Variants in ZAN observed in about 807,000 individuals in gnomAD.
ZAN encodes the protein zonadhesin, also known as zonadhesin (gene/pseudogene).
ZAN carries 260 observed loss-of-function variants against 286.2 expected under a neutral mutation model. The ratio of observed to expected loss-of-function variants is 0.91; its 90% CI spans 0.82 to 1.01. ZAN has a LOEUF of 1.01. Ranked by LOEUF, ZAN falls within the 50% of genes least tolerant of loss-of-function variation. The pLI is 0.00. For synonymous variants in ZAN, 1,368 were observed against 1,417.5 expected (o/e 0.97, Z 0.79); for missense variants, 3,410 against 3,639.2 (o/e 0.94, Z 1.62).
Position 100,792,083 on chromosome 7 carries a change from G to A in ZAN, c.7647G>A (p.Val2549=). The part of the protein sequence containing the change: ...LASNSTQACR[V]LADPQGPFAA... ...GCAACAGCACCCAGGCCTGTAGGGT[G>A]CTGGCAGACCCCCAGGGCCCCTTTG... is the stretch of plus-strand genomic sequence containing the variant. The change falls in exon 41 of 48, where the codon GTG becomes GTA. Residue 2549 remains valine, a synonymous_variant. Coordinates refer to ENST00000613979, the MANE Select transcript of ZAN (RefSeq NM_003386.3). The A allele has an allele frequency of 6.2e-7, 1 of 1,613,074 alleles. No individual in the cohort carries two copies. The highest frequency in any genetic ancestry group is 1.1e-5 in the South Asian group (1 of 90,994).
rs767077115 is a variant in ZAN, at chr7:100,734,306, C to T, written c.53+85C>T. ...TATGGAAGGACAGAGCTGGAGGGGG[C>T]GAGCAGGCTAACTACAAAAGATCTG... On this transcript the variant is annotated intron_variant, in intron 2 of 47. Coordinates refer to ENST00000613979, the MANE Select transcript of ZAN (RefSeq NM_003386.3). The T allele has an allele frequency of 1.2e-5, 12 of 983,620 alleles. No individual in the cohort carries two copies. The Admixed American group carries it at 1.8e-4, about 15-fold the overall frequency. 60.9% of individuals were successfully genotyped at this position (983,620 alleles called of 1,614,324 possible).
In ZAN at chr7:100,738,727, CAA is replaced by C. The variant is rs1807482142; in HGVS notation, c.766+115_766+116del. Reference sequence around the variant, plus strand: ...TACAGCTTCAAGCCTCTTACCAGCTCAAGTTTCACGCAAGAAGCTGATTTCAA... The same window carrying C: ...TACAGCTTCAAGCCTCTTACCAGCTCGTTTCACGCAAGAAGCTGATTTCAA... On this transcript the variant is annotated intron_variant, in intron 7 of 47. Coordinates refer to ENST00000613979, the MANE Select transcript of ZAN (RefSeq NM_003386.3). 1.0e-5 allele frequency: 12 copies of C among 1,174,320 alleles called. 4 individuals are homozygous for C. Among genetic ancestry groups the C allele is most frequent in the Non-Finnish European group, 1.4e-5 (12 of 853,548 alleles). The allele number at this position is 1,174,320 out of a possible 1,614,324, so 72.7% of individuals were successfully genotyped here.
chr7:100,795,436 G>A (rs1292073983), intron 45 of ZAN, 100 bp downstream of exon 45: 3 of 1,182,334 alleles, frequency 2.5e-6, no homozygotes, highest in Non-Finnish European at 3.2e-6. Flanking sequence ...AGAATGATAT[G>A]TATTATAATA....
In ZAN at chr7:100,775,439, C is replaced by A. The variant is rs779916944; in HGVS notation, c.5891C>A (p.Ala1964Asp). The A allele has an allele frequency of 1.2e-5, 19 of 1,613,972 alleles. No homozygotes were observed. The highest frequency in any genetic ancestry group is 7.6e-6 in the Non-Finnish European group (9 of 1,179,890). The change falls in exon 32 of 48, where the codon GCC becomes GAC. Residue 1964 changes from alanine to aspartate, a missense_variant. Physicochemically the swap from Ala to Asp is moderately radical, Grantham distance 126. Transcript: ENST00000613979. ...TLVLVKVCHPAMALPFFKISA... is the reference protein window; with the variant it reads ...TLVLVKVCHPDMALPFFKISA... ...GTCCTGGTGAAAGTGTGCCACCCCGCCATGGCCTTGCCCTTCTTCAAGATC... is the reference window on the plus strand; with the variant it reads ...GTCCTGGTGAAAGTGTGCCACCCCGACATGGCCTTGCCCTTCTTCAAGATC...
intron 25 of ZAN, 95 bp downstream of exon 25, chr7:100,767,352 T>C (rs1377836760): frequency 1.3e-6 from 2 of 1,514,120 alleles, no homozygotes; most frequent in East Asian, 2.3e-5. Context: ...CCTCTCTGGC[T>C]CCTTAGAGCA....
intron 17 of ZAN, 134 bp from the exon 18 acceptor site, chr7:100,759,587 C>G (rs1355733367): frequency 5.1e-6 from 6 of 1,168,050 alleles, no homozygotes; most frequent in Middle Eastern, 2.6e-4. Context: ...GTGGATCCGG[C>G]CTCCCCTACT....
In ZAN at chr7:100,773,159, C is replaced by T. The variant is rs1302513336; in HGVS notation, c.5426-126C>T. The T allele has an allele frequency of 3.8e-6, 4 of 1,058,472 alleles. No homozygotes were observed. The East Asian group carries it at 1.0e-4, about 27-fold the overall frequency. The allele number at this position is 1,058,472 out of a possible 1,614,324, so 65.6% of individuals were successfully genotyped here. On this transcript the variant is annotated intron_variant, in intron 29 of 47. Transcript: ENST00000613979. ...CCTCAGGTGATCCACCTGCCTCGGC[C>T]TCCCAAAGTGCTGGGATTACATGTG...
At chr7:100,746,412 C>A in intron 7 of ZAN, 126 bp from the exon 8 acceptor site, 3 of 1,246,104 alleles carry the variant, frequency 2.4e-6, no homozygotes, top group South Asian at 1.5e-5. Context: ...CACCTCAGTG[C>A]TGCCTGATTC....
At chr7:100,786,246 G>A in intron 37 of ZAN, 105 bp downstream of exon 37, 2 of 1,504,138 alleles carry the variant, frequency 1.3e-6, no homozygotes, top group Non-Finnish European at 9.0e-7. Flanking sequence ...CCCCAGCACA[G>A]TCAGGGGTTG....
In ZAN at chr7:100,755,421, C is replaced by G. The variant is rs746335004; in HGVS notation, c.3309+11C>G. The G allele has an allele frequency of 3.1e-6, 5 of 1,610,096 alleles. No individual in the cohort carries two copies. Among genetic ancestry groups the G allele is most frequent in the Non-Finnish European group, 4.2e-6 (5 of 1,177,842 alleles). On this transcript the variant is annotated intron_variant, in intron 15 of 47. Coordinates refer to ENST00000613979, the MANE Select transcript of ZAN (RefSeq NM_003386.3). ...AACGACTACTATGAGGTAAGCCCCC[C>G]GGGATGCTGGGGTCCCATGAGGGAG...
At position 100,758,265 on chromosome 7, in the gene ZAN, G is replaced by A; in HGVS notation, c.3373G>A (p.Val1125Ile). Residue 1125 changes from valine (V) to isoleucine (I), a missense_variant, in exon 16 of 48, where the codon GTC (valine) becomes ATC (isoleucine). Physicochemically the swap from Val to Ile is conservative, Grantham distance 29. Coordinates refer to ENST00000613979, the MANE Select transcript of ZAN (RefSeq NM_003386.3). ...EHCRCWPGSR[V>I]ECQISQCGTH... Reference sequence around the variant, plus strand: ...TTGCCGCTGCTGGCCCGGCAGTCGGGTCGAGTGCCAGATCTCTCAGTGTGG... The same window carrying A: ...TTGCCGCTGCTGGCCCGGCAGTCGGATCGAGTGCCAGATCTCTCAGTGTGG... The A allele has an allele frequency of 1.2e-6, 2 of 1,613,414 alleles. No homozygotes were observed. Among genetic ancestry groups the A allele is most frequent in the Non-Finnish European group, 1.7e-6 (2 of 1,179,876 alleles).
chr7:100,750,262 G>A lies in ZAN; in HGVS notation c.1250-363G>A, dbSNP rs565296187. Among the ~76,000 whole-genome samples, 116 of 151,884 alleles carry A rather than the reference G, an allele frequency of 7.6e-4. 1 individual carries two copies. The highest frequency in any genetic ancestry group is 9.7e-4 in the Non-Finnish European group (66 of 67,958). ...AGCAATTCTCCTGCCTCAGACTCCCGAGTAGCTGGGACTCCAGGCACGGGC... is the reference window on the plus strand; with the variant it reads ...AGCAATTCTCCTGCCTCAGACTCCCAAGTAGCTGGGACTCCAGGCACGGGC... On this transcript the variant is annotated intron_variant, in intron 11 of 47. Coordinates refer to ENST00000613979, the MANE Select transcript of ZAN (RefSeq NM_003386.3).
At chr7:100,769,455 CT>C (rs919586133) in intron 27 of ZAN, among the ~76,000 whole-genome samples, 18 of 151,636 alleles carry the variant, frequency 1.2e-4, no homozygotes, top group Admixed American at 5.9e-4. Flanking sequence ...CTTGTCTTGT[CT>C]TTTTTTTTCT....
intron 29 of ZAN, among the ~76,000 whole-genome samples, chr7:100,772,390 A>G (rs1219814277): frequency 6.7e-6 from 1 of 148,466 alleles, no homozygotes; most frequent in African/African-American, 2.5e-5. Flanking sequence ...AGATCACACC[A>G]CTGCACTCCA....
chr7:100,767,187 C>T lies in ZAN; in HGVS notation c.4790C>T (p.Ser1597Phe). The T allele has an allele frequency of 6.2e-7, 1 of 1,613,716 alleles. No homozygotes were observed. Among genetic ancestry groups the T allele is most frequent in the Non-Finnish European group, 8.5e-7 (1 of 1,179,884 alleles). The change falls in exon 25 of 48, where the codon TCC (serine) becomes TTC (phenylalanine). Residue 1597 changes from serine (S) to phenylalanine (F), a missense_variant. Transcript: ENST00000613979. ...NENRGGILEV[S>F]YIKAVHVTVF... ...AACCGCGGGGGGATCCTGGAGGTCT[C>T]CTACATCAAAGCCGTCCACGTGACA...
intron 45 of ZAN, 57 bp from the exon 46 acceptor site, chr7:100,797,309 A>G (rs1326205435): frequency 7.1e-6 from 11 of 1,540,336 alleles, no homozygotes; most frequent in Admixed American, 1.7e-5. Context: ...AGTACCCCTC[A>G]GTCCCCACCC....
chr7:100,768,527 G>T (rs1006040463), intron 26 of ZAN, 83 bp from the exon 27 acceptor site: 2 of 1,139,042 alleles, frequency 1.8e-6, no homozygotes, highest in African/African-American at 3.2e-5. Context: ...AATGAAAAGT[G>T]AGGGTGCCAG....
rs893897836 is a variant in ZAN, at chr7:100,786,287, T to C, written c.6979+146T>C. The C allele has an allele frequency of 5.4e-6, 7 of 1,294,912 alleles. No individual in the cohort carries two copies. In the African/African-American group the frequency reaches 1.0e-4, roughly 19 times the overall value. The allele number at this position is 1,294,912 out of a possible 1,614,324, so 80.2% of individuals were successfully genotyped here. ...GGCGACTGGATCAGGAGGCCTGGCC[T>C]CCAGTTTAGCTCTTGCTAACTCTGT... On this transcript the variant is annotated intron_variant, in intron 37 of 47. Transcript: ENST00000613979.
rs749602997 is a variant in ZAN at position 100,775,674 on chromosome 7, C to T, written c.6033C>T (p.Asn2011=). ...GTCACTGTCCTCCTGTTTAGATCAACAGCAAACAGGTCACCCTCCCCGCCA... is the reference window on the plus strand; with the variant it reads ...GTCACTGTCCTCCTGTTTAGATCAATAGCAAACAGGTCACCCTCCCCGCCA... The part of the protein sequence containing the change: ...TLQKGHRVLI[N]SKQVTLPAIS... Residue 2011 remains asparagine (N), a synonymous_variant, in exon 33 of 48, where the codon AAC becomes AAT. Coordinates refer to ENST00000613979, the MANE Select transcript of ZAN (RefSeq NM_003386.3). 2 of 1,613,812 alleles carry T rather than the reference C, an allele frequency of 1.2e-6. No individual in the cohort carries two copies. Among genetic ancestry groups the T allele is most frequent in the Non-Finnish European group, 1.7e-6 (2 of 1,179,810 alleles).
Sources: gnomAD v4.1 joint callset for allele counts (sites outside exome capture counted in the v4.1 genomes callset) on GRCh38, gnomAD v4.1.1 for gene constraint, MANE v1.5 for transcripts, NCBI Gene and HGNC (gene_info 2026-07-23, HGNC 2026-07-21) for gene names.